The following SEC24B variants were observed in gnomAD, a reference collection of about 807,000 sequenced individuals.
The protein encoded by SEC24B is protein transport protein Sec24B.
Under a neutral mutation model 142.8 loss-of-function variants are expected in SEC24B, and 45 were observed. The observed-to-expected ratio is 0.32, with a 90% CI of 0.25 to 0.40. The LOEUF is 0.40. Ranked by LOEUF, SEC24B falls within the 10% of genes least tolerant of loss-of-function variation. SEC24B has a pLI of 1.00. For synonymous variants in SEC24B, 574 were observed against 568.2 expected (o/e 1.01, Z -0.15); for missense variants, 1,409 against 1,526.8 (o/e 0.92, Z 1.29).
chr4:109,463,984 T>C (rs1260943629), intron 2 of SEC24B, among the ~76,000 whole-genome samples: 1 of 152,234 alleles, frequency 6.6e-6, no homozygotes, highest in African/African-American at 2.4e-5. Flanking sequence ...CTATTTTCTC[T>C]TTTATACTAG....
chr4:109,521,227 CTAAAA>C, intron 13 of SEC24B, 55 bp downstream of exon 13: 1 of 1,149,580 alleles, frequency 8.7e-7, no homozygotes, highest in East Asian at 2.4e-5. Context: ...TGACTGGTAA[CTAAAA>C]TATTTAACAT....
At chr4:109,485,889 G>C (rs1734299878) in intron 4 of SEC24B, among the ~76,000 whole-genome samples, 1 of 152,010 alleles carries the variant, frequency 6.6e-6, no homozygotes, top group South Asian at 2.1e-4. Flanking sequence ...CTCCAACTTT[G>C]AAAAAAATTT....
intron 10 of SEC24B, among the ~76,000 whole-genome samples, chr4:109,516,243 T>C (rs1333895058): frequency 6.6e-6 from 1 of 152,126 alleles, no homozygotes; most frequent in East Asian, 1.9e-4. Context: ...AAGCCTAATT[T>C]TTAAAAAATG....
chr4:109,440,426 A>C (rs1406912481), intron 1 of SEC24B, among the ~76,000 whole-genome samples: 1 of 152,210 alleles, frequency 6.6e-6, no homozygotes. Flanking sequence ...CTTCATTGTC[A>C]GCATTGTTAG....
intron 18 of SEC24B, among the ~76,000 whole-genome samples, chr4:109,528,657 C>G (rs1246213670): frequency 1.3e-5 from 2 of 152,050 alleles, no homozygotes; most frequent in Admixed American, 6.6e-5. Flanking sequence ...TAGAACTGTA[C>G]TTAAACTAAT....
chr4:109,474,326 TCTTGTTTTTC>T (rs1396755135), intron 3 of SEC24B, among the ~76,000 whole-genome samples: 2 of 152,216 alleles, frequency 1.3e-5, no homozygotes, highest in Non-Finnish European at 2.9e-5. Context: ...TGGTGTCTTT[TCTTGTTTTTC>T]CTCTACATTG....
intron 6 of SEC24B, among the ~76,000 whole-genome samples, chr4:109,499,674 CAG>C (rs1735906391): frequency 2.6e-5 from 4 of 152,178 alleles, no homozygotes; most frequent in Non-Finnish European, 5.9e-5. Context: ...TGTCATAGCA[CAG>C]TGCATTACTC....
At chr4:109,504,490 G>A (rs183739603) in intron 6 of SEC24B, among the ~76,000 whole-genome samples, 2 of 151,842 alleles carry the variant, frequency 1.3e-5, no homozygotes, top group East Asian at 3.9e-4. Context: ...GAATTTAGCT[G>A]TTTGCTTCTT....
intron 22 of SEC24B, among the ~76,000 whole-genome samples, chr4:109,534,844 A>T (rs569729467): frequency 6.6e-6 from 1 of 152,170 alleles, no homozygotes; most frequent in South Asian, 2.1e-4. Context: ...TTGGCTAATT[A>T]AAAAAATTTT....
intron 11 of SEC24B, among the ~76,000 whole-genome samples, chr4:109,516,893 C>A (rs530019617): frequency 3.3e-5 from 5 of 152,018 alleles, no homozygotes; most frequent in Non-Finnish European, 5.9e-5. Context: ...TCTGACTCAG[C>A]CAATCTGAAC....
In SEC24B at chr4:109,468,934, C is replaced by T. The variant is rs567597865; in HGVS notation, c.878-4070C>T. On this transcript the variant is annotated intron_variant, in intron 2 of 23. Coordinates refer to ENST00000265175, the MANE Select transcript of SEC24B (RefSeq NM_006323.5). ...ATTCTTTTCAGAGGCCATCTACATA[C>T]CTAATCATATGTGTTATGCATGAAG... Among the ~76,000 whole-genome samples, 36 of 152,076 alleles carry T rather than the reference C, an allele frequency of 2.4e-4. No individual in the cohort carries two copies. In the Middle Eastern group the frequency reaches 0.01, roughly 43 times the overall value.
At chr4:109,532,903 A>T (rs951264462) in intron 21 of SEC24B, among the ~76,000 whole-genome samples, 160 bp downstream of exon 21, 1 of 152,088 alleles carries the variant, frequency 6.6e-6, no homozygotes, top group African/African-American at 2.4e-5. Flanking sequence ...TTTACTTTAA[A>T]CTTTTCTATT....
intron 1 of SEC24B, among the ~76,000 whole-genome samples, chr4:109,435,154 C>G (rs917502863): frequency 6.6e-6 from 1 of 152,204 alleles, no homozygotes; most frequent in Non-Finnish European, 1.5e-5. Context: ...AGTTTTACAA[C>G]TGATGCTTTT....
At chr4:109,459,119 C>G (rs145789013) in intron 1 of SEC24B, among the ~76,000 whole-genome samples, 3 of 151,870 alleles carry the variant, frequency 2.0e-5, no homozygotes, top group Admixed American at 6.6e-5. Context: ...CTCTACTCTT[C>G]GAAAAAATAG....
intron 1 of SEC24B, among the ~76,000 whole-genome samples, chr4:109,450,245 C>A (rs539056183): frequency 6.6e-6 from 1 of 152,108 alleles, no homozygotes; most frequent in South Asian, 2.1e-4. Context: ...GAATTAAACT[C>A]TACCTGCTGC....
At chr4:109,496,655 G>T (rs751903691) in intron 6 of SEC24B, among the ~76,000 whole-genome samples, 1 of 151,794 alleles carries the variant, frequency 6.6e-6, no homozygotes, top group African/African-American at 2.4e-5. Flanking sequence ...GCAGGGGTGG[G>T]GCAAAAGAAA....
intron 22 of SEC24B, 146 bp downstream of exon 22, chr4:109,533,831 GT>G: frequency 1.6e-6 from 1 of 628,762 alleles, no homozygotes; most frequent in Non-Finnish European, 2.8e-6. Context: ...CCACTATTTA[GT>G]TTCAGAACAT....
intron 1 of SEC24B, among the ~76,000 whole-genome samples, chr4:109,461,080 T>G (rs1731208774): frequency 2.0e-5 from 3 of 152,158 alleles, no homozygotes; most frequent in Non-Finnish European, 2.9e-5. Context: ...AATTTTCTAC[T>G]GTGTGAGAAC....
intron 5 of SEC24B, among the ~76,000 whole-genome samples, chr4:109,493,001 T>G (rs1407192167): frequency 6.6e-6 from 1 of 152,106 alleles, no homozygotes; most frequent in Non-Finnish European, 1.5e-5. Flanking sequence ...ATAATAGGCT[T>G]GAGCCTTTGC....
Sources: allele counts gnomAD v4.1 joint callset (sites outside exome capture counted in the v4.1 genomes callset), GRCh38; gene constraint gnomAD v4.1.1; transcripts MANE v1.5; gene names NCBI Gene and HGNC (gene_info 2026-07-23, HGNC 2026-07-21).